The following CAST variants were observed in gnomAD, a reference collection of about 807,000 sequenced individuals.
The protein encoded by CAST is MIR583 host.
Under a neutral mutation model 119.6 loss-of-function variants are expected in CAST, and 76 were observed. The observed-to-expected ratio is 0.64, with a 90% CI of 0.53 to 0.77. The LOEUF (loss-of-function observed/expected upper bound fraction) is 0.77. Among genes scored for constraint, CAST ranks in the 30% least tolerant of loss-of-function variants. The probability of loss-of-function intolerance (pLI) is 0.00; values close to 1 mark genes in which losing one functional copy is unlikely to be tolerated. For missense variants in CAST, 953 were observed against 946.5 expected (o/e 1.01, Z -0.09); for synonymous variants, 319 against 331.6 (o/e 0.96, Z 0.41).
the CAST span, among the ~76,000 whole-genome samples, chr5:96,363,571 CT>C: frequency 6.6e-6 from 1 of 152,020 alleles, no homozygotes; most frequent in Non-Finnish European, 1.5e-5. Context: ...AGTTGGATTC[CT>C]AGGTATTTTA....
At chr5:96,205,214 C>G in the CAST span, among the ~76,000 whole-genome samples, 1 of 152,094 alleles carries the variant, frequency 6.6e-6, no homozygotes, top group African/African-American at 2.4e-5. Flanking sequence ...TTTTCAGCCT[C>G]TTTATGGTCT....
the CAST span, among the ~76,000 whole-genome samples, chr5:95,966,715 A>C: frequency 4.6e-5 from 7 of 152,294 alleles, no homozygotes; most frequent in Admixed American, 1.3e-4. Flanking sequence ...ATACACATGC[A>C]CGTTAGCTTC....
At position 96,773,443 on chromosome 5, in the gene CAST, G is replaced by A. The variant is rs528255449; in HGVS notation, c.*827G>A. The stretch of plus-strand genomic sequence containing the variant: ...CTGACTTGAACTCTGTTGGTTTACT[G>A]TGTTAGTAAACTGTGCTTTCTATTA... On this transcript the variant is annotated 3_prime_UTR_variant, in exon 32 of 32. Transcript: ENST00000675179. 2 of 152,460 alleles carry A rather than the reference G, an allele frequency of 1.3e-5. No individual in the cohort carries two copies. The highest frequency in any genetic ancestry group is 2.4e-5 in the African/African-American group (1 of 41,544). 9.4% of individuals were successfully genotyped at this position (152,460 alleles called of 1,614,324 possible). A position where few individuals can be genotyped will look rare whatever the true frequency, so the allele number is the denominator to read the frequency against.
At chr5:96,740,641 T>G (rs1007446948) in intron 12 of CAST, 104 bp from the exon 13 acceptor site, 1 of 785,558 alleles carries the variant, frequency 1.3e-6, no homozygotes, top group African/African-American at 1.7e-5. Flanking sequence ...AACATATAGA[T>G]CTGGGGTGGG....
At chr5:96,363,901 GTC>G in the CAST span, among the ~76,000 whole-genome samples, 1 of 152,128 alleles carries the variant, frequency 6.6e-6, no homozygotes, top group Admixed American at 6.5e-5. Flanking sequence ...GGGCATCCCT[GTC>G]TTTTGCCAGT....
the CAST span, among the ~76,000 whole-genome samples, chr5:96,283,537 C>G: frequency 6.6e-6 from 1 of 152,204 alleles, no homozygotes; most frequent in Non-Finnish European, 1.5e-5. Context: ...ATTGGCAAGT[C>G]TCATTCTGCT....
At chr5:96,215,635 A>T in the CAST span, 1 of 151,962 alleles carries the variant, frequency 6.6e-6, no homozygotes, top group African/African-American at 2.4e-5. Context: ...CTACCTCCTT[A>T]TTCACCGCCT....
At chr5:96,325,348 GCAAT>G in the CAST span, among the ~76,000 whole-genome samples, 7 of 145,946 alleles carry the variant, frequency 4.8e-5, no homozygotes, top group East Asian at 2.0e-4. Flanking sequence ...TCAGCTCCAA[GCAAT>G]CAATCAATCT....
At position 96,760,349 on chromosome 5, in the gene CAST, T is replaced by C. The variant is rs1482544565; in HGVS notation, c.1834-1925T>C. On this transcript the variant is annotated intron_variant, in intron 24 of 31. Transcript: ENST00000675179. The stretch of plus-strand genomic sequence containing the variant: ...CAAATAATCATGTCCATGTAAAAGA[T>C]CTATTTAAAATTTTACATATACTCA... Among the ~76,000 whole-genome samples, 3 of 151,968 alleles carry C rather than the reference T, an allele frequency of 2.0e-5. No individual in the cohort carries two copies. In the East Asian group the frequency reaches 5.8e-4, roughly 29 times the overall value.
chr5:96,579,910 C>T (rs750279774), intron 1 of CAST, among the ~76,000 whole-genome samples: 10 of 152,168 alleles, frequency 6.6e-5, no homozygotes, highest in South Asian at 2.1e-4. Context: ...TTTCAGGCAC[C>T]GCTGCCGTGG....
intron 1 of CAST, chr5:96,545,133 A>G (rs1746837362): frequency 6.6e-6 from 1 of 152,170 alleles, no homozygotes; most frequent in Admixed American, 6.5e-5. Context: ...CTCAAAGATC[A>G]CTGTCTTTTG....
intron 1 of CAST, among the ~76,000 whole-genome samples, chr5:96,548,281 T>C (rs2150181486): frequency 6.6e-6 from 1 of 152,332 alleles, no homozygotes; most frequent in African/African-American, 2.4e-5. Flanking sequence ...GGTTTATGAA[T>C]TGACTTAGAT....
chr5:96,668,631 C>A (rs1193943531), intron 1 of CAST, among the ~76,000 whole-genome samples: 2 of 152,096 alleles, frequency 1.3e-5, no homozygotes, highest in Non-Finnish European at 2.9e-5. Context: ...TACCATTAGC[C>A]CTATTTTACA....
At chr5:96,763,642 G>A (rs1345098421) in intron 25 of CAST, among the ~76,000 whole-genome samples, 2 of 152,150 alleles carry the variant, frequency 1.3e-5, no homozygotes, top group Non-Finnish European at 2.9e-5. Flanking sequence ...CTAAAACAAG[G>A]TATAAAGCTT....
intron 2 of CAST, among the ~76,000 whole-genome samples, chr5:96,681,753 A>G: frequency 6.9e-6 from 1 of 145,644 alleles, no homozygotes; most frequent in African/African-American, 2.5e-5. Flanking sequence ...AAAAAAAAAA[A>G]TACTACCAGG....
At chr5:96,187,098 G>T in the CAST span, among the ~76,000 whole-genome samples, 159 of 152,190 alleles carry the variant, frequency 1.0e-3, no homozygotes, top group Non-Finnish European at 1.5e-3. Context: ...GTGTCCAGGA[G>T]TTTATTCATT....
chr5:96,666,257 A>AACACACACACACACACAC (rs10529318), intron 1 of CAST, among the ~76,000 whole-genome samples: 33 of 150,044 alleles, frequency 2.2e-4, no homozygotes, highest in African/African-American at 6.6e-4. Flanking sequence ...GGTTGTAGTA[A>AACACACACACACACACAC]ACACACACAC....
the CAST span, among the ~76,000 whole-genome samples, chr5:96,337,673 A>G: frequency 3.9e-5 from 6 of 152,310 alleles, no homozygotes; most frequent in South Asian, 2.1e-4. Context: ...GTGGAGTTCA[A>G]TGTTAATGTC....
chr5:96,403,601 G>T, the CAST span, among the ~76,000 whole-genome samples: 2 of 152,110 alleles, frequency 1.3e-5, no homozygotes, highest in African/African-American at 4.8e-5. Flanking sequence ...GCATTGAGTG[G>T]CTAATCAAAG....
Sources: allele counts gnomAD v4.1 joint callset (sites outside exome capture counted in the v4.1 genomes callset), GRCh38; gene constraint gnomAD v4.1.1; transcripts MANE v1.5; gene names NCBI Gene and HGNC (gene_info 2026-07-23, HGNC 2026-07-21).